Variants in ZNF75A observed in about 807,000 individuals in gnomAD.
The protein encoded by ZNF75A is zinc finger protein 75A.
ZNF75A carries 36 observed loss-of-function variants against 46.3 expected under a neutral mutation model. The ratio of observed to expected loss-of-function variants is 0.78; its 90% CI spans 0.60 to 1.03. The LOEUF (loss-of-function observed/expected upper bound fraction) is 1.03. Ranked by LOEUF, ZNF75A falls within the 50% of genes least tolerant of loss-of-function variation. ZNF75A has a pLI of 0.00. For missense variants in ZNF75A, 595 were observed against 551.3 expected (o/e 1.08, Z -0.79); for synonymous variants, 234 against 189.9 (o/e 1.23, Z -1.91).
At position 3,318,241 on chromosome 16, in the gene ZNF75A, G is replaced by T. The variant is rs1232803193; in HGVS notation, c.*372G>T. On this transcript the variant is annotated 3_prime_UTR_variant, in exon 7 of 7. Transcript: ENST00000669516. ...TCATGAGGCCGAAATGAATTACAATGTAAAGTGTTCCAGGAACCAAATTGG... is the reference window on the plus strand; with the variant it reads ...TCATGAGGCCGAAATGAATTACAATTTAAAGTGTTCCAGGAACCAAATTGG... The T allele has an allele frequency of 1.2e-5, 12 of 998,418 alleles. No homozygotes were observed. The highest frequency in any genetic ancestry group is 1.4e-5 in the Non-Finnish European group (12 of 838,956). 61.8% of individuals were successfully genotyped at this position (998,418 alleles called of 1,614,324 possible).
rs1960728809 is a variant in ZNF75A at position 3,310,962 on chromosome 16, T to C, written c.409-791T>C. 4 of 985,056 alleles carry C rather than the reference T, an allele frequency of 4.1e-6. No homozygotes were observed. In the South Asian group the frequency reaches 1.9e-4, roughly 46 times the overall value. 61.0% of individuals were successfully genotyped at this position (985,056 alleles called of 1,614,324 possible). On this transcript the variant is annotated intron_variant, in intron 2 of 6. Coordinates refer to ENST00000669516, the MANE Select transcript of ZNF75A (RefSeq NM_001302109.2). ...TCATCTGGAGGTAGGTTGGAGCCAC[T>C]CCCCTTTTTTCTCCATTCTATCCCC...
At position 3,312,696 on chromosome 16, in the gene ZNF75A, T is replaced by G; in HGVS notation, c.624T>G (p.Ile208Met). The change falls in exon 4 of 7, where the codon ATT becomes ATG. Residue 208 changes from isoleucine (I) to methionine (M), a missense_variant. Physicochemically the swap from Ile to Met is conservative, Grantham distance 10. Transcript: ENST00000669516. ...VYERAVPTQQ[I>M]LAFPEQTNTK... ...CCACAGCTGTGCCTACTCAACAGAT[T>G]CTAGCTTTTCCTGAGCAAACAAACA... 8 of 1,017,304 alleles carry G rather than the reference T, an allele frequency of 7.9e-6. No homozygotes were observed. Among genetic ancestry groups the G allele is most frequent in the Non-Finnish European group, 9.4e-6 (8 of 849,120 alleles). The allele number at this position is 1,017,304 out of a possible 1,614,324, so 63.0% of individuals were successfully genotyped here. A position where few individuals can be genotyped will look rare whatever the true frequency, so the allele number is the denominator to read the frequency against.
At chr16:3,315,807 T>G (rs1330319640) in intron 5 of ZNF75A, among the ~76,000 whole-genome samples, 1 of 152,200 alleles carries the variant, frequency 6.6e-6, no homozygotes, top group African/African-American at 2.4e-5. Flanking sequence ...CTAACCATAT[T>G]TGGAGAAAAA....
At chr16:3,313,260 G>C in intron 5 of ZNF75A, 85 bp downstream of exon 5, 1 of 1,414,932 alleles carries the variant, frequency 7.1e-7, no homozygotes, top group Non-Finnish European at 9.8e-7. Flanking sequence ...GTGTCTTACT[G>C]TTCCAGGAGC....
At chr16:3,321,203 C>G (rs892362806), downstream of ZNF75A, among the ~76,000 whole-genome samples, 3 of 152,196 alleles carry the variant, frequency 2.0e-5, no homozygotes, top group South Asian at 4.1e-4. Flanking sequence ...TAGGTTTAGC[C>G]TTAAACATTA....
At position 3,313,153 on chromosome 16, in the gene ZNF75A, C is replaced by T; in HGVS notation, c.801C>T (p.Asn267=). Residue 267 remains asparagine, a synonymous_variant, in exon 5 of 7, where the codon AAC becomes AAT. Transcript: ENST00000669516. ...TCTACAATGATGTAATGCAGGAAAA[C>T]TATGAGACTGTCATCTCTCTAGGTA... ...KALYNDVMQE[N]YETVISLALF... is the part of the protein sequence containing the mutation. 6.2e-7 allele frequency: 1 copy of T among 1,614,050 alleles called. No individual in the cohort carries two copies. The highest frequency in any genetic ancestry group is 8.5e-7 in the Non-Finnish European group (1 of 1,179,970).
Position 3,318,330 on chromosome 16 carries a change from A to C in ZNF75A, c.*461A>C, listed in dbSNP as rs1170921937. The stretch of plus-strand genomic sequence containing the variant: ...TGGACATCACTTGAGTTCCTTCTTA[A>C]ACTTTTCGGCAACTTCTCTTGGATC... On this transcript the variant is annotated 3_prime_UTR_variant, in exon 7 of 7. Transcript: ENST00000669516. 4.0e-6 allele frequency: 4 copies of C among 988,416 alleles called. No individual in the cohort carries two copies. Among genetic ancestry groups the C allele is most frequent in the Non-Finnish European group, 2.4e-6 (2 of 832,048 alleles). 61.2% of individuals were successfully genotyped at this position (988,416 alleles called of 1,614,324 possible). A position where few individuals can be genotyped will look rare whatever the true frequency, so the allele number is the denominator to read the frequency against.
rs186242494 is a variant in ZNF75A, at chr16:3,311,958, T to G, written c.604+10T>G. On this transcript the variant is annotated intron_variant, in intron 3 of 6. Transcript: ENST00000669516. Reference sequence around the variant, plus strand: ...CCTGTGTATGAGAGGGGTAAGGAGCTTCATGATAATTTTCTTCTCCTGGGA... The same window carrying G: ...CCTGTGTATGAGAGGGGTAAGGAGCGTCATGATAATTTTCTTCTCCTGGGA... 904 of 985,098 alleles carry G rather than the reference T, an allele frequency of 9.2e-4. 4 individuals carry two copies. The highest frequency in any genetic ancestry group is 6.9e-4 in the Non-Finnish European group (569 of 829,148). The allele number at this position is 985,098 out of a possible 1,614,324, so 61.0% of individuals were successfully genotyped here.
At position 3,311,905 on chromosome 16, in the gene ZNF75A, C is replaced by T. The variant is rs947376843; in HGVS notation, c.561C>T (p.Leu187=). The part of the protein sequence containing the change: ...WNTYEGLQEQ[L]SRNTHKETEP... ...CATACGAGGGTCTGCAAGAACAGCT[C>T]AGCAGGAATACTCATAAAGAGACTG... Residue 187 remains leucine (L), a synonymous_variant, in exon 3 of 7, where the codon CTC becomes CTT. Transcript: ENST00000669516. 3 of 991,116 alleles carry T rather than the reference C, an allele frequency of 3.0e-6. No individual in the cohort carries two copies. The highest frequency in any genetic ancestry group is 4.5e-5 in the South Asian group (1 of 22,222). 61.4% of individuals were successfully genotyped at this position (991,116 alleles called of 1,614,324 possible). A position where few individuals can be genotyped will look rare whatever the true frequency, so the allele number is the denominator to read the frequency against.
chr16:3,317,923 G>A lies in ZNF75A; in HGVS notation c.*54G>A. 1 of 1,505,382 alleles carries A rather than the reference G, an allele frequency of 6.6e-7. No homozygotes were observed. Among genetic ancestry groups the A allele is most frequent in the Non-Finnish European group, 8.9e-7 (1 of 1,128,614 alleles). The allele number at this position is 1,505,382 out of a possible 1,614,324, so 93.3% of individuals were successfully genotyped here. A position where few individuals can be genotyped will look rare whatever the true frequency, so the allele number is the denominator to read the frequency against. ...GAAGACATTCACCAAATGGAGCTTG[G>A]CACTAAAATTTATGTAAAAGAAAAA... On this transcript the variant is annotated 3_prime_UTR_variant, in exon 7 of 7. Coordinates refer to ENST00000669516, the MANE Select transcript of ZNF75A (RefSeq NM_001302109.2).
Position 3,317,173 on chromosome 16 carries a change from T to A in ZNF75A, c.935-17T>A. ...TTGTTCTGGGATACAGATGTGTGAT[T>A]ATGTTTATTCCAACAGGGTTAAAGC... On this transcript the variant is annotated splice_polypyrimidine_tract_variant and intron_variant, in intron 6 of 6. Transcript: ENST00000669516. The A allele has an allele frequency of 6.3e-7, 1 of 1,593,334 alleles. No individual in the cohort carries two copies. The highest frequency in any genetic ancestry group is 8.5e-7 in the Non-Finnish European group (1 of 1,170,472).
intron 2 of ZNF75A, 127 bp from the exon 3 acceptor site, chr16:3,311,626 C>T (rs2150810618): frequency 3.6e-6 from 1 of 274,470 alleles, no homozygotes; most frequent in African/African-American, 2.3e-5. Flanking sequence ...TCTCTTTAAG[C>T]CTTTTTTTGT....
Position 3,311,957 on chromosome 16 carries a change from C to G in ZNF75A, c.604+9C>G, listed in dbSNP as rs1960838535. On this transcript the variant is annotated intron_variant, in intron 3 of 6. Transcript: ENST00000669516. ...GCCTGTGTATGAGAGGGGTAAGGAG[C>G]TTCATGATAATTTTCTTCTCCTGGG... The G allele has an allele frequency of 4.1e-6, 4 of 985,150 alleles. No homozygotes were observed. The highest frequency in any genetic ancestry group is 4.8e-6 in the Non-Finnish European group (4 of 829,186). 61.0% of individuals were successfully genotyped at this position (985,150 alleles called of 1,614,324 possible). A position where few individuals can be genotyped will look rare whatever the true frequency, so the allele number is the denominator to read the frequency against.
rs953131810 is a variant in ZNF75A at position 3,308,346 on chromosome 16, G to C, written c.-83G>C. ...GGAAGAAGATCCTTTTATTGCTTTT[G>C]TACAAGACCAGACAGGATCTCATTT... On this transcript the variant is annotated 5_prime_UTR_variant, in exon 2 of 7. Transcript: ENST00000669516. The C allele has an allele frequency of 1.2e-5, 11 of 924,948 alleles. No individual in the cohort carries two copies. The South Asian group carries it at 4.5e-4, about 38-fold the overall frequency. The allele number at this position is 924,948 out of a possible 1,614,324, so 57.3% of individuals were successfully genotyped here.
At chr16:3,312,937 A>G (rs932300670) in intron 4 of ZNF75A, 112 bp from the exon 5 acceptor site, 7 of 1,387,392 alleles carry the variant, frequency 5.0e-6, no homozygotes, top group Non-Finnish European at 6.7e-6. Flanking sequence ...CTTCTCACTT[A>G]AAAAAATCAT....
chr16:3,312,936 T>TAAA, intron 4 of ZNF75A, 113 bp from the exon 5 acceptor site: 1 of 1,393,906 alleles, frequency 7.2e-7, no homozygotes, highest in South Asian at 1.5e-5. Context: ...CCTTCTCACT[T>TAAA]AAAAAAATCA....
Position 3,317,313 on chromosome 16 carries a change from G to C in ZNF75A, c.1058G>C (p.Gly353Ala), listed in dbSNP as rs1961291530. Residue 353 changes from glycine to alanine, a missense_variant, in exon 7 of 7, where the codon GGC becomes GCC. Gly to Ala is a moderately conservative substitution (Grantham distance 60). Coordinates refer to ENST00000669516, the MANE Select transcript of ZNF75A (RefSeq NM_001302109.2). Reference sequence around the variant, plus strand: ...GTAAAAGTTCCCCAGAAAACAGCAGGCAAAGAAAATCATTTTGATATGCAC... The same window carrying C: ...GTAAAAGTTCCCCAGAAAACAGCAGCCAAAGAAAATCATTTTGATATGCAC... Reference protein sequence around the residue: ...AKVKVPQKTAGKENHFDMHRV... With the variant: ...AKVKVPQKTAAKENHFDMHRV... 1 of 1,613,888 alleles carries C rather than the reference G, an allele frequency of 6.2e-7. No homozygotes were observed. Among genetic ancestry groups the C allele is most frequent in the African/African-American group, 1.3e-5 (1 of 74,888 alleles).
intron 1 of ZNF75A, chr16:3,307,406 C>G (rs549818677): frequency 1.3e-5 from 2 of 152,194 alleles, no homozygotes; most frequent in Non-Finnish European, 2.9e-5. Context: ...TGTACTGGAA[C>G]TTACCCCCCT....
chr16:3,322,738 CAAGTT>C (rs2029990987), downstream of ZNF75A, among the ~76,000 whole-genome samples: 1 of 151,598 alleles, frequency 6.6e-6, no homozygotes, highest in Non-Finnish European at 1.5e-5. Context: ...TTTTTTTTGA[CAAGTT>C]AACATTTATT....
Sources: gnomAD v4.1 joint callset for allele counts (sites outside exome capture counted in the v4.1 genomes callset) on GRCh38, gnomAD v4.1.1 for gene constraint, MANE v1.5 for transcripts, NCBI Gene and HGNC (gene_info 2026-07-23, HGNC 2026-07-21) for gene names.